ZNF536: variants seen among roughly 807,000 people sequenced by gnomAD.
ZNF536 encodes the protein zinc finger protein 536.
A neutral mutation model predicts 84.5 loss-of-function variants in ZNF536; 13 were observed. That is an observed-to-expected ratio of 0.15 (90% confidence interval 0.10 to 0.24). The LOEUF (loss-of-function observed/expected upper bound fraction) is 0.24. ZNF536 is among the 10% of genes least tolerant of loss of function. The probability of loss-of-function intolerance (pLI) is 1.00; values close to 1 mark genes in which losing one functional copy is unlikely to be tolerated. For synonymous variants in ZNF536, 811 were observed against 742.5 expected (o/e 1.09, Z -1.50); for missense variants, 1,536 against 1,747.5 (o/e 0.88, Z 2.16).
At chr19:30,349,768 A>G (rs2047872214) in intron 2 of ZNF536, among the ~76,000 whole-genome samples, 1 of 152,056 alleles carries the variant, frequency 6.6e-6, no homozygotes, top group South Asian at 2.1e-4. Flanking sequence ...CAGGGCAGCC[A>G]GCAGCATGGC....
At chr19:30,378,152 A>C (rs2147124937) in intron 1 of ZNF536, among the ~76,000 whole-genome samples, 1 of 152,188 alleles carries the variant, frequency 6.6e-6, no homozygotes, top group Non-Finnish European at 1.5e-5. Context: ...GCCCTAACCA[A>C]GTTTGGGTCT....
At chr19:30,622,607 G>T (rs532174942) in intron 1 of ZNF536, among the ~76,000 whole-genome samples, 1 of 152,220 alleles carries the variant, frequency 6.6e-6, no homozygotes, top group South Asian at 2.1e-4. Context: ...TATTTGGGAT[G>T]CTGTGCTTTA....
intron 1 of ZNF536, among the ~76,000 whole-genome samples, chr19:30,606,261 TA>T (rs58066592): frequency 0.23 from 5,214 of 23,002 alleles, 174 homozygotes; most frequent in Non-Finnish European, 0.28. Flanking sequence ...ATAAATAAAA[TA>T]AAATAAAATA....
chr19:30,315,925 G>GT (rs997776026), intron 2 of ZNF536, among the ~76,000 whole-genome samples: 1 of 152,066 alleles, frequency 6.6e-6, no homozygotes, highest in African/African-American at 2.4e-5. Context: ...AAACAGTATT[G>GT]TTTTTAGATC....
intron 2 of ZNF536, among the ~76,000 whole-genome samples, chr19:30,521,244 T>A (rs78360711): frequency 0.047 from 7,149 of 152,292 alleles, 468 homozygotes; most frequent in African/African-American, 0.15. Context: ...GGCCCGTGTG[T>A]CTCCCTGTGT....
At chr19:30,395,099 A>G (rs544748070) in intron 1 of ZNF536, among the ~76,000 whole-genome samples, 18 of 152,302 alleles carry the variant, frequency 1.2e-4, no homozygotes, top group Non-Finnish European at 2.5e-4. Flanking sequence ...TAGTCTTCTT[A>G]GGGCTTTCGT....
At chr19:30,289,446 G>A (rs549255943) in intron 2 of ZNF536, among the ~76,000 whole-genome samples, 3 of 152,226 alleles carry the variant, frequency 2.0e-5, no homozygotes, top group Non-Finnish European at 4.4e-5. Flanking sequence ...ACTCCAAGGA[G>A]GGCATACCTC....
At chr19:30,555,404 T>A (rs559158093) in intron 4 of ZNF536, 1 of 152,338 alleles carries the variant, frequency 6.6e-6, no homozygotes, top group South Asian at 2.1e-4. Flanking sequence ...CCATCAGTGT[T>A]AGAGAGGCAC....
Position 30,451,054 on chromosome 19 carries a change from C to T in ZNF536, c.2170+5322C>T, listed in dbSNP as rs12976209. 4.0e-3 allele frequency among the ~76,000 whole-genome samples: 602 copies of T among 152,374 alleles called. 7 individuals carry two copies. The highest frequency in any genetic ancestry group is 0.017 in the South Asian group (84 of 4,832). ...CGGCTCGTGTGTGCCGAAGCTGTGC[C>T]CAGGCGGACGCCGGCCAAGGCCCGT... On this transcript the variant is annotated intron_variant, in intron 2 of 4. Coordinates refer to ENST00000355537, the MANE Select transcript of ZNF536 (RefSeq NM_014717.3).
chr19:30,311,309 G>C (rs951919066), intron 2 of ZNF536, among the ~76,000 whole-genome samples: 1 of 152,190 alleles, frequency 6.6e-6, no homozygotes, highest in East Asian at 1.9e-4. Flanking sequence ...AAAGGCAGGT[G>C]CCCTTTTGCC....
chr19:30,321,132 G>C (rs969778500), intron 2 of ZNF536, among the ~76,000 whole-genome samples: 12 of 152,124 alleles, frequency 7.9e-5, no homozygotes, highest in African/African-American at 2.9e-4. Flanking sequence ...CTGCAACCCC[G>C]ACCTCCCAGC....
chr19:30,663,104 G>A (rs1415201908), intron 1 of ZNF536, among the ~76,000 whole-genome samples: 1 of 151,694 alleles, frequency 6.6e-6, no homozygotes, highest in Non-Finnish European at 1.5e-5. Context: ...CTTTGAAATG[G>A]ATAGTGCAGG....
chr19:30,314,942 C>A (rs12327635), intron 2 of ZNF536, among the ~76,000 whole-genome samples: 3 of 152,214 alleles, frequency 2.0e-5, no homozygotes, highest in East Asian at 1.9e-4. Flanking sequence ...TCTCTACCTG[C>A]AGGCCTTGGC....
chr19:30,293,821 C>T (rs534380611), intron 2 of ZNF536, among the ~76,000 whole-genome samples: 1 of 152,198 alleles, frequency 6.6e-6, no homozygotes, highest in African/African-American at 2.4e-5. Flanking sequence ...GGGGCTTGTA[C>T]TTAGTAGGTG....
chr19:30,699,626 T>G (rs2051811633), intron 1 of ZNF536, among the ~76,000 whole-genome samples: 1 of 152,178 alleles, frequency 6.6e-6, no homozygotes, highest in Non-Finnish European at 1.5e-5. Flanking sequence ...AAACTATATG[T>G]GCAACTGAGA....
At chr19:30,552,282 A>G (rs537947928) in intron 4 of ZNF536, among the ~76,000 whole-genome samples, 69 of 152,330 alleles carry the variant, frequency 4.5e-4, no homozygotes, top group African/African-American at 1.6e-3. Context: ...TGTCAGACCA[A>G]AGCATCATTC....
intron 2 of ZNF536, among the ~76,000 whole-genome samples, chr19:30,319,295 TTTG>T (rs1324230941): frequency 4.9e-4 from 75 of 152,354 alleles, no homozygotes; most frequent in African/African-American, 1.7e-3. Flanking sequence ...TTATTTATTA[TTTG>T]CTACCAATGT....
chr19:30,436,422 A>T, intron 1 of ZNF536: 1 of 841,724 alleles, frequency 1.2e-6, no homozygotes, highest in Non-Finnish European at 1.4e-6. Context: ...AATGTTTGTG[A>T]TGTAATTTGT....
At chr19:30,331,571 G>A (rs901470046) in intron 2 of ZNF536, among the ~76,000 whole-genome samples, 1 of 152,098 alleles carries the variant, frequency 6.6e-6, no homozygotes, top group African/African-American at 2.4e-5. Context: ...GACCAAGAAT[G>A]TCAAGGTCAT....
Sources: gnomAD v4.1 joint callset for allele counts (sites outside exome capture counted in the v4.1 genomes callset) on GRCh38, gnomAD v4.1.1 for gene constraint, MANE v1.5 for transcripts, NCBI Gene and HGNC (gene_info 2026-07-23, HGNC 2026-07-21) for gene names.